The following MNAT1 variants were observed in gnomAD, a reference collection of about 807,000 sequenced individuals.
MNAT1 encodes CDK-activating kinase assembly factor MAT1.
MNAT1 carries 43 observed loss-of-function variants against 42.0 expected under a neutral mutation model. The ratio of observed to expected loss-of-function variants is 1.02; its 90% confidence interval spans 0.80 to 1.32. MNAT1 has a LOEUF of 1.32. Ranked by LOEUF, MNAT1 falls within the 40% of genes most tolerant of loss-of-function variation. The probability of loss-of-function intolerance (pLI) is 0.00; values close to 1 mark genes in which losing one functional copy is unlikely to be tolerated. For synonymous variants in MNAT1, 118 were observed against 120.0 expected (o/e 0.98, Z 0.11); for missense variants, 306 against 350.4 (o/e 0.87, Z 1.01).
intron 6 of MNAT1, among the ~76,000 whole-genome samples, chr14:60,839,377 C>T (rs956108382): frequency 6.6e-6 from 1 of 152,190 alleles, no homozygotes; most frequent in African/African-American, 2.4e-5. Flanking sequence ...AGATGACCTG[C>T]AGAGAGGAGC....
intron 7 of MNAT1, among the ~76,000 whole-genome samples, chr14:60,926,742 G>A (rs1336445112): frequency 6.6e-6 from 1 of 152,020 alleles, no homozygotes. Context: ...TAATTATGTA[G>A]GCTCTGTTGA....
At chr14:60,818,890 A>G in intron 6 of MNAT1, 43 bp downstream of exon 6, 1 of 1,592,182 alleles carries the variant, frequency 6.3e-7, no homozygotes, top group Non-Finnish European at 8.6e-7. Flanking sequence ...TATTTTTTCA[A>G]GGATTATGCT....
intron 7 of MNAT1, among the ~76,000 whole-genome samples, chr14:60,911,861 A>G (rs970329273): frequency 4.0e-5 from 6 of 151,864 alleles, no homozygotes; most frequent in Non-Finnish European, 5.9e-5. Context: ...GCTGAGTTCA[A>G]TTCCTGGATA....
intron 7 of MNAT1, among the ~76,000 whole-genome samples, chr14:60,934,025 G>A (rs576439923): frequency 6.6e-6 from 1 of 152,320 alleles, no homozygotes; most frequent in East Asian, 1.9e-4. Context: ...AGTGAGGGAA[G>A]AGTAAAGGGA....
At position 60,917,754 on chromosome 14, in the gene MNAT1, C is replaced by G. The variant is rs1018750956; in HGVS notation, c.809+37919C>G. On this transcript the variant is annotated intron_variant, in intron 7 of 7. Coordinates refer to ENST00000261245, the MANE Select transcript of MNAT1 (RefSeq NM_002431.4). The stretch of plus-strand genomic sequence containing the variant: ...TCTTCTGCCTCAGCCTTCCAAGTAG[C>G]TGGGATTACAGGTGTGTGCCACCAC... 3.3e-5 allele frequency among the ~76,000 whole-genome samples: 5 copies of G among 151,968 alleles called. No individual in the cohort carries two copies. The South Asian group carries it at 8.3e-4, about 25-fold the overall frequency.
rs184895494 is a variant in MNAT1, at chr14:60,899,176, C to T, written c.809+19341C>T. ...TTGTCTTTATACTGCTTTGTGGTAG[C>T]TACAATGCTCTATCACAAAGCAATA... On this transcript the variant is annotated intron_variant, in intron 7 of 7. Coordinates refer to ENST00000261245, the MANE Select transcript of MNAT1 (RefSeq NM_002431.4). Among the ~76,000 whole-genome samples, 698 of 152,192 alleles carry T rather than the reference C, an allele frequency of 4.6e-3. 5 individuals carry two copies. The highest frequency in any genetic ancestry group is 5.3e-3 in the Non-Finnish European group (360 of 67,986).
intron 7 of MNAT1, among the ~76,000 whole-genome samples, chr14:60,899,365 A>C (rs575194985): frequency 8.5e-5 from 13 of 152,304 alleles, no homozygotes; most frequent in African/African-American, 3.1e-4. Flanking sequence ...TCAGTAGTGA[A>C]AATAATTGTA....
intron 1 of MNAT1, among the ~76,000 whole-genome samples, chr14:60,735,949 A>T (rs996248473): frequency 6.6e-6 from 1 of 152,072 alleles, no homozygotes; most frequent in Admixed American, 6.6e-5. Context: ...TCTCCTCCCA[A>T]CCCCCCAAGT....
chr14:60,800,259 T>C (rs753026394), intron 3 of MNAT1, among the ~76,000 whole-genome samples: 12 of 152,188 alleles, frequency 7.9e-5, no homozygotes, highest in Non-Finnish European at 1.3e-4. Context: ...TCTTAAAAAA[T>C]GGAAATTGGC....
At chr14:60,930,385 G>A (rs1192152746) in intron 7 of MNAT1, among the ~76,000 whole-genome samples, 3 of 151,942 alleles carry the variant, frequency 2.0e-5, no homozygotes, top group Non-Finnish European at 4.4e-5. Flanking sequence ...CAGATGTTCT[G>A]AAATGACTTC....
rs971131267 is a variant in MNAT1 at position 60,917,112 on chromosome 14, A to T, written c.809+37277A>T. Among the ~76,000 whole-genome samples the T allele has an allele frequency of 2.6e-5, 4 of 152,190 alleles. No homozygotes were observed. In the South Asian group the frequency reaches 8.3e-4, roughly 32 times the overall value. On this transcript the variant is annotated intron_variant, in intron 7 of 7. Transcript: ENST00000261245. Reference sequence around the variant, plus strand: ...GTTTGAGAAATGCTGCCCTAAACACATAGAAGAAGTCACCGCTCAAATTGT... The same window carrying T: ...GTTTGAGAAATGCTGCCCTAAACACTTAGAAGAAGTCACCGCTCAAATTGT...
At chr14:60,853,520 A>G (rs1019700103) in intron 6 of MNAT1, among the ~76,000 whole-genome samples, 1 of 152,146 alleles carries the variant, frequency 6.6e-6, no homozygotes, top group Non-Finnish European at 1.5e-5. Flanking sequence ...CTCTCTTCCT[A>G]TTCAAATACT....
At chr14:60,767,623 C>T (rs761005455) in intron 1 of MNAT1, among the ~76,000 whole-genome samples, 13 of 151,660 alleles carry the variant, frequency 8.6e-5, no homozygotes, top group Admixed American at 2.6e-4. Flanking sequence ...TATTTTGAGA[C>T]GGAGACTTGC....
In MNAT1 at chr14:60,929,170, A is replaced by AATATAT. The variant is rs57354716; in HGVS notation, c.810-39040_810-39035dup. Among the ~76,000 whole-genome samples, 331 of 47,450 alleles carry AATATAT rather than the reference A, an allele frequency of 7.0e-3. 5 individuals carry two copies. The highest frequency in any genetic ancestry group is 0.031 in the South Asian group (36 of 1,170). The allele number at this position is 47,450 out of a possible 152,430, so 31.1% of individuals were successfully genotyped here. On this transcript the variant is annotated intron_variant, in intron 7 of 7. Coordinates refer to ENST00000261245, the MANE Select transcript of MNAT1 (RefSeq NM_002431.4). The stretch of plus-strand genomic sequence containing the variant: ...TCCCAAAAAAAAAAAAAAAAAAAAA[A>AATATAT]ATATATATATATATATATATATATG...
At chr14:60,896,775 C>T (rs1300034239) in intron 7 of MNAT1, among the ~76,000 whole-genome samples, 1 of 152,094 alleles carries the variant, frequency 6.6e-6, no homozygotes, top group Non-Finnish European at 1.5e-5. Context: ...CATGAGCCAC[C>T]GCGCCTGGCC....
At chr14:60,839,012 G>A (rs2033473690) in intron 6 of MNAT1, among the ~76,000 whole-genome samples, 1 of 152,130 alleles carries the variant, frequency 6.6e-6, no homozygotes, top group Non-Finnish European at 1.5e-5. Context: ...TGACCTTGCA[G>A]GTGCCCCTCC....
intron 6 of MNAT1, among the ~76,000 whole-genome samples, chr14:60,878,884 G>A (rs146419409): frequency 5.3e-4 from 81 of 152,258 alleles, no homozygotes; most frequent in African/African-American, 1.8e-3. Context: ...GCTGATCTGG[G>A]TGCAACAGTT....
intron 7 of MNAT1, among the ~76,000 whole-genome samples, chr14:60,937,497 C>G (rs961772309): frequency 6.6e-6 from 1 of 152,146 alleles, no homozygotes; most frequent in African/African-American, 2.4e-5. Context: ...ATCCTTTCCC[C>G]ATTTCTTGTT....
chr14:60,805,297 A>T (rs2139341550), intron 3 of MNAT1, among the ~76,000 whole-genome samples: 1 of 152,132 alleles, frequency 6.6e-6, no homozygotes, highest in East Asian at 1.9e-4. Context: ...AGTATAGAGA[A>T]TTCCTATATA....
Sources: allele counts gnomAD v4.1 joint callset (sites outside exome capture counted in the v4.1 genomes callset), GRCh38; gene constraint gnomAD v4.1.1; transcripts MANE v1.5; gene names NCBI Gene and HGNC (gene_info 2026-07-23, HGNC 2026-07-21).